RBFOX3: variants seen among roughly 807,000 people sequenced by gnomAD.
RBFOX3 encodes the protein RNA binding fox-1 homolog 3.
A neutral mutation model predicts 48.7 loss-of-function variants in RBFOX3; 17 were observed. The observed-to-expected ratio is 0.35, with a 90% CI of 0.24 to 0.52. The LOEUF (loss-of-function observed/expected upper bound fraction) is 0.52, where lower values mean the gene tolerates loss of function less well. Among genes scored for constraint, RBFOX3 ranks in the 20% least tolerant of loss-of-function variants. The pLI is 0.94. For missense variants in RBFOX3, 382 were observed against 497.5 expected, an observed-to-expected ratio of 0.77 and a Z score of 2.21; for synonymous variants, 212 against 209.5, an observed-to-expected ratio of 1.01 and a Z score of -0.10.
intron 4 of RBFOX3, among the ~76,000 whole-genome samples, chr17:79,184,338 T>G (rs2052952246): frequency 6.6e-6 from 1 of 152,268 alleles, no homozygotes; most frequent in Admixed American, 6.5e-5. Context: ...CTCCCCTCCC[T>G]GTACCCAGAC....
At chr17:79,237,051 C>G (rs1376424725) in intron 3 of RBFOX3, among the ~76,000 whole-genome samples, 1 of 152,218 alleles carries the variant, frequency 6.6e-6, no homozygotes, top group African/African-American at 2.4e-5. Flanking sequence ...CTGTCAATCA[C>G]TGCTGCTCTC....
chr17:79,189,508 C>T (rs776038527), intron 4 of RBFOX3, among the ~76,000 whole-genome samples: 4 of 152,220 alleles, frequency 2.6e-5, no homozygotes, highest in Non-Finnish European at 4.4e-5. Flanking sequence ...ATAGCTTGGG[C>T]GTTTACTAAT....
chr17:79,139,550 G>A (rs980524443), intron 4 of RBFOX3, among the ~76,000 whole-genome samples: 7 of 152,224 alleles, frequency 4.6e-5, no homozygotes, highest in Non-Finnish European at 8.8e-5. Context: ...CTCCTTCCCC[G>A]TGAGGCTGGC....
rs116744589 is a variant in RBFOX3, at chr17:79,243,770, C to T, written c.-73-7965G>A. 0.015 allele frequency among the ~76,000 whole-genome samples: 2,252 copies of T among 152,152 alleles called. 53 individuals are homozygous for T. The highest frequency in any genetic ancestry group is 0.052 in the African/African-American group (2,156 of 41,490). On this transcript the variant is annotated intron_variant, in intron 3 of 14. Transcript: ENST00000693108. The surrounding 1 kb of genome is among the most constrained non-coding windows in gnomAD (Gnocchi z 7.9). Reference sequence around the variant, plus strand: ...GTCAGCCAGGCTCAGAAACAGAAGCCCAGAGAAGGAATTTTGCCAAGGTTG... The same window carrying T: ...GTCAGCCAGGCTCAGAAACAGAAGCTCAGAGAAGGAATTTTGCCAAGGTTG...
chr17:79,193,359 T>C (rs2054906933), intron 4 of RBFOX3, among the ~76,000 whole-genome samples: 1 of 152,198 alleles, frequency 6.6e-6, no homozygotes, highest in Non-Finnish European at 1.5e-5. Flanking sequence ...CGGATCAGAC[T>C]CTGATCAATC....
At chr17:79,130,982 C>A (rs1420730128) in intron 4 of RBFOX3, among the ~76,000 whole-genome samples, 2 of 152,236 alleles carry the variant, frequency 1.3e-5, no homozygotes, top group African/African-American at 4.8e-5. Context: ...CCTGCGTGTG[C>A]CCCATGTGTA....
At chr17:79,119,857 G>A (rs547999550) in intron 4 of RBFOX3, among the ~76,000 whole-genome samples, 38 of 152,266 alleles carry the variant, frequency 2.5e-4, no homozygotes, top group African/African-American at 8.2e-4. Context: ...CACCTGGGCC[G>A]CACTCCTGAA....
intron 4 of RBFOX3, among the ~76,000 whole-genome samples, chr17:79,158,534 G>A (rs1407095660): frequency 6.6e-6 from 1 of 152,160 alleles, no homozygotes. Flanking sequence ...CAGCTCTCAC[G>A]CCAGCTTACT....
chr17:79,409,173 G>A (rs568134308), intron 2 of RBFOX3, among the ~76,000 whole-genome samples: 8 of 152,326 alleles, frequency 5.3e-5, no homozygotes, highest in Non-Finnish European at 7.3e-5. Context: ...AGTCTGTATC[G>A]GAACTGAATT....
chr17:79,526,869 C>A (rs2150044155), intron 1 of RBFOX3, among the ~76,000 whole-genome samples: 1 of 152,354 alleles, frequency 6.6e-6, no homozygotes, highest in South Asian at 2.1e-4. Context: ...TGGAAAAAAA[C>A]CATCGTGTGA....
chr17:79,579,513 C>G (rs1352947262), intron 1 of RBFOX3, among the ~76,000 whole-genome samples: 1 of 152,220 alleles, frequency 6.6e-6, no homozygotes, highest in East Asian at 1.9e-4. Flanking sequence ...GCAGAGGGGT[C>G]GGCAATGCTG....
At chr17:79,135,920 G>C (rs913104475) in intron 4 of RBFOX3, 2 of 152,220 alleles carry the variant, frequency 1.3e-5, no homozygotes, top group African/African-American at 4.8e-5. Context: ...ACAGCTCCTC[G>C]GCCACTTATG....
Position 79,089,700 on chromosome 17 carries a change from T to G in RBFOX3, c.*1183A>C, listed in dbSNP as rs1188516061. On this transcript the variant is annotated 3_prime_UTR_variant, in exon 15 of 15. Coordinates refer to ENST00000693108, the MANE Select transcript of RBFOX3 (RefSeq NM_001350451.2). ...GGAGCCACGTTGGGAGCCTGTATTT[T>G]TTGCTGCTTCCCTACTTCAGTGCTC... is the stretch of plus-strand genomic sequence containing the variant. The G allele has an allele frequency of 6.6e-6, 1 of 152,616 alleles. No individual in the cohort carries two copies. The highest frequency in any genetic ancestry group is 2.4e-5 in the African/African-American group (1 of 41,430). 9.5% of individuals were successfully genotyped at this position (152,616 alleles called of 1,614,324 possible).
At chr17:79,656,179 T>A in the RBFOX3 span, among the ~76,000 whole-genome samples, 1 of 152,284 alleles carries the variant, frequency 6.6e-6, no homozygotes. Context: ...GCCGGCCAAC[T>A]TGCTGTCAAG....
At chr17:79,306,283 A>G (rs547647475) in intron 3 of RBFOX3, among the ~76,000 whole-genome samples, 207 of 152,322 alleles carry the variant, frequency 1.4e-3, no homozygotes, top group African/African-American at 4.7e-3. Context: ...GCTGTGAGAC[A>G]TCTCCCCGGC....
intron 2 of RBFOX3, among the ~76,000 whole-genome samples, chr17:79,365,679 T>C (rs1270974418): frequency 6.6e-6 from 1 of 152,182 alleles, no homozygotes; most frequent in Non-Finnish European, 1.5e-5. Flanking sequence ...GAAATAAACC[T>C]GAAGGAATAT....
chr17:79,524,939 C>A (rs1042706501), intron 1 of RBFOX3, among the ~76,000 whole-genome samples: 5 of 152,148 alleles, frequency 3.3e-5, no homozygotes, highest in Non-Finnish European at 5.9e-5. Flanking sequence ...TCTGTCCCAC[C>A]GAGTGCTTAA....
intron 1 of RBFOX3, among the ~76,000 whole-genome samples, chr17:79,592,360 C>T (rs997186239): frequency 0.028 from 4,181 of 150,790 alleles, 209 homozygotes; most frequent in African/African-American, 0.097. Context: ...TAAATGAGTG[C>T]ATGTGTGTGG....
At chr17:79,610,426 G>A (rs1214392538) in intron 1 of RBFOX3, among the ~76,000 whole-genome samples, 1 of 151,776 alleles carries the variant, frequency 6.6e-6, no homozygotes, top group Non-Finnish European at 1.5e-5. Flanking sequence ...TCCCCGCGCC[G>A]GGCATTGTGC....
Sources: allele counts gnomAD v4.1 joint callset (sites outside exome capture counted in the v4.1 genomes callset), GRCh38; gene constraint gnomAD v4.1.1; non-coding constraint Gnocchi (gnomAD v3.1); transcripts MANE v1.5; gene names NCBI Gene and HGNC (gene_info 2026-07-23, HGNC 2026-07-21).